Variants in NUMA1 observed in about 807,000 individuals in gnomAD.
NUMA1 encodes the protein SP-H antigen.
A neutral mutation model predicts 237.1 loss-of-function variants in NUMA1; 62 were observed. That is an observed-to-expected ratio of 0.26 (90% CI 0.21 to 0.32). The LOEUF is 0.32. Ranked by LOEUF, NUMA1 falls within the 10% of genes least tolerant of loss-of-function variation. NUMA1 has a pLI of 1.00. For synonymous variants in NUMA1, 1,028 were observed against 1,066.1 expected (o/e 0.96, Z 0.70); for missense variants, 2,533 against 2,666.5 (o/e 0.95, Z 1.10).
At chr11:72,027,871 G>T (rs572977330) in intron 4 of NUMA1, among the ~76,000 whole-genome samples, 1 of 152,310 alleles carries the variant, frequency 6.6e-6, no homozygotes, top group East Asian at 1.9e-4. Context: ...GAGCAGAGAG[G>T]ATGATGACCA....
intron 2 of NUMA1, among the ~76,000 whole-genome samples, chr11:72,068,867 C>T (rs1200619000): frequency 3.3e-5 from 5 of 152,162 alleles, no homozygotes; most frequent in South Asian, 2.1e-4. Context: ...CAGAAAAATT[C>T]GGTGTTACTG....
intron 2 of NUMA1, among the ~76,000 whole-genome samples, chr11:72,040,418 C>T (rs1941518366): frequency 6.6e-6 from 1 of 151,098 alleles, no homozygotes; most frequent in African/African-American, 2.4e-5. Flanking sequence ...GGCCTGCAGC[C>T]ATGTATTGTA....
intron 12 of NUMA1, 160 bp downstream of exon 12, chr11:72,018,023 G>T: frequency 1.1e-6 from 1 of 929,046 alleles, no homozygotes; most frequent in Non-Finnish European, 1.7e-6. Flanking sequence ...CCGGGAAGCC[G>T]CCAATTATGG....
Position 72,009,180 on chromosome 11 carries a change from C to G in NUMA1, c.4845G>C (p.Glu1615Asp), listed in dbSNP as rs1213229568. The G allele has an allele frequency of 9.4e-6, 11 of 1,174,444 alleles. No homozygotes were observed. Among genetic ancestry groups the G allele is most frequent in the African/African-American group, 1.9e-5 (1 of 53,048 alleles). 72.8% of individuals were successfully genotyped at this position (1,174,444 alleles called of 1,614,324 possible). A position where few individuals can be genotyped will look rare whatever the true frequency, so the allele number is the denominator to read the frequency against. ...QAAEHYKLQM[E>D]KAKTHYDAKK... is the part of the protein sequence containing the mutation. ...TGGCATCATAATGTGTTTTGGCTTT[C>G]TCCATCTGTGGGCAGAGAGGGTGGG... Residue 1615 changes from glutamate (E) to aspartate (D), a missense_variant, in exon 19 of 27, where the codon GAG (glutamate) becomes GAC (aspartate). Glu to Asp is a conservative substitution (Grantham distance 45). Coordinates refer to ENST00000393695, the MANE Select transcript of NUMA1 (RefSeq NM_006185.4).
chr11:72,037,540 C>G (rs550931931), intron 2 of NUMA1, among the ~76,000 whole-genome samples: 5 of 152,118 alleles, frequency 3.3e-5, no homozygotes, highest in Non-Finnish European at 5.9e-5. Flanking sequence ...TCATCCTGTG[C>G]TAGAAGCCAC....
In NUMA1 at chr11:72,073,048, C is replaced by CAAAAAAAAAAAAAAAA. The variant is rs71052849; in HGVS notation, c.-102-3153_-102-3138dup. On this transcript the variant is annotated intron_variant, in intron 1 of 26. Transcript: ENST00000393695. ...GGTGACACAGAGCGAGACTCCGTCT[C>CAAAAAAAAAAAAAAAA]AAAAAAAAAAAAAAAAAAAAGCTGC... 7.4e-4 allele frequency among the ~76,000 whole-genome samples: 29 copies of CAAAAAAAAAAAAAAAA among 38,972 alleles called. 5 individuals are homozygous for CAAAAAAAAAAAAAAAA. Among genetic ancestry groups the CAAAAAAAAAAAAAAAA allele is most frequent in the African/African-American group, 3.2e-3 (29 of 8,984 alleles). 25.6% of individuals were successfully genotyped at this position (38,972 alleles called of 152,430 possible).
At chr11:72,077,361 C>T (rs144370658) in intron 1 of NUMA1, among the ~76,000 whole-genome samples, 87 of 152,178 alleles carry the variant, frequency 5.7e-4, no homozygotes, top group African/African-American at 2.0e-3. Flanking sequence ...ATCTTAAAAA[C>T]AAACAGAAAG....
intron 1 of NUMA1, among the ~76,000 whole-genome samples, chr11:72,071,646 T>C (rs1470642551): frequency 1.3e-5 from 2 of 152,140 alleles, no homozygotes; most frequent in African/African-American, 2.4e-5. Context: ...GTTTCCTGAG[T>C]GTTAATAGTA....
intron 21 of NUMA1, among the ~76,000 whole-genome samples, chr11:72,006,944 T>G (rs1590863941): frequency 6.6e-6 from 1 of 152,238 alleles, no homozygotes. Flanking sequence ...CTGCACAGGC[T>G]CAGTGCTACG....
At chr11:72,024,010 G>T in intron 5 of NUMA1, 1 of 420,718 alleles carries the variant, frequency 2.4e-6, no homozygotes. Context: ...AGTTAAAAGT[G>T]ACAGGTCCCA....
At position 72,021,072 on chromosome 11, in the gene NUMA1, A is replaced by G. The variant is rs1393528891; in HGVS notation, c.460+132T>C. 12 of 720,346 alleles carry G rather than the reference A, an allele frequency of 1.7e-5. No individual in the cohort carries two copies. The East Asian group carries it at 3.2e-4, about 19-fold the overall frequency. 44.6% of individuals were successfully genotyped at this position (720,346 alleles called of 1,614,324 possible). On this transcript the variant is annotated intron_variant, in intron 8 of 26. Transcript: ENST00000393695. ...CAGAAATCGACCTACTCCATTACACACACTTTTCCTGAGCATCAACTCTGC... is the reference window on the plus strand; with the variant it reads ...CAGAAATCGACCTACTCCATTACACGCACTTTTCCTGAGCATCAACTCTGC...
At chr11:72,067,218 T>A (rs1341894471) in intron 2 of NUMA1, 1 of 152,176 alleles carries the variant, frequency 6.6e-6, no homozygotes, top group Non-Finnish European at 1.5e-5. Context: ...GATCTAAGTA[T>A]TGAAAAGCAA....
Position 72,006,238 on chromosome 11 carries a change from C to T in NUMA1, c.5489G>A (p.Ser1830Asn), listed in dbSNP as rs1307551246. 1 of 1,614,162 alleles carries T rather than the reference C, an allele frequency of 6.2e-7. No homozygotes were observed. The highest frequency in any genetic ancestry group is 2.2e-5 in the East Asian group (1 of 44,872). The change falls in exon 22 of 27, where the codon AGC becomes AAC. Residue 1830 changes from serine (S) to asparagine (N), a missense_variant. Coordinates refer to ENST00000393695, the MANE Select transcript of NUMA1 (RefSeq NM_006185.4). ...TKKLDVEEPD[S>N]ANSSFYSTRS... The stretch of plus-strand genomic sequence containing the variant: ...CGTGCTGTAGAACGATGAGTTGGCG[C>T]TGTCTGGCTCTTCCACATCTAGCTT...
intron 2 of NUMA1, among the ~76,000 whole-genome samples, chr11:72,038,829 A>G (rs1462370681): frequency 6.6e-6 from 1 of 151,402 alleles, no homozygotes; most frequent in Non-Finnish European, 1.5e-5. Flanking sequence ...ACAAAAGGCC[A>G]GGCCCTCTGA....
At chr11:72,057,504 A>G (rs1473633147) in intron 2 of NUMA1, among the ~76,000 whole-genome samples, 1 of 151,726 alleles carries the variant, frequency 6.6e-6, no homozygotes. Context: ...AGCACTTTGG[A>G]AGGCTGAGGC....
At chr11:72,048,647 A>T (rs1484189722) in intron 2 of NUMA1, among the ~76,000 whole-genome samples, 1 of 152,192 alleles carries the variant, frequency 6.6e-6, no homozygotes, top group Non-Finnish European at 1.5e-5. Context: ...TGCTGGGATT[A>T]CAGGAGTGAG....
At position 72,004,009 on chromosome 11, in the gene NUMA1, C is replaced by T. The variant is rs2134331883; in HGVS notation, c.6214G>A (p.Ala2072Thr). The T allele has an allele frequency of 5.0e-6, 8 of 1,613,408 alleles. No individual in the cohort carries two copies. The highest frequency in any genetic ancestry group is 5.9e-6 in the Non-Finnish European group (7 of 1,179,666). ...GTGTTGGGGGAAGCCTTGGACAGGG[C>T]CTTCTTTGAGGCTCCCCGCCGCAGA... ...SLLRRGASKKALSKASPNTRS... is the reference protein window; with the variant it reads ...SLLRRGASKKTLSKASPNTRS... Residue 2072 changes from alanine (A) to threonine (T), a missense_variant, in exon 26 of 27, where the codon GCC (alanine) becomes ACC (threonine). Around this residue, in one of 3 missense-constraint regions of NUMA1, gnomAD observed 795 missense variants for 750.8 expected, o/e 1.06. Coordinates refer to ENST00000393695, the MANE Select transcript of NUMA1 (RefSeq NM_006185.4).
At chr11:72,043,002 G>A (rs1304824065) in intron 2 of NUMA1, among the ~76,000 whole-genome samples, 2 of 152,066 alleles carry the variant, frequency 1.3e-5, no homozygotes, top group South Asian at 4.1e-4. Flanking sequence ...CGCACCTACA[G>A]TTCCAGCTAC....
At chr11:72,056,963 T>C (rs1238043400) in intron 2 of NUMA1, among the ~76,000 whole-genome samples, 1 of 150,832 alleles carries the variant, frequency 6.6e-6, no homozygotes, top group Non-Finnish European at 1.5e-5. Context: ...AATGATGAGA[T>C]ATCTCAATTT....
Sources: gnomAD v4.1 joint callset for allele counts (sites outside exome capture counted in the v4.1 genomes callset) on GRCh38, gnomAD v4.1.1 for gene constraint, gnomAD v4.1.1 regional missense constraint, MANE v1.5 for transcripts, NCBI Gene and HGNC (gene_info 2026-07-23, HGNC 2026-07-21) for gene names.